The following ARL8B variants were observed in gnomAD, a reference collection of about 807,000 sequenced individuals.
ARL8B encodes ARF like GTPase 8B.
In ARL8B, 9 loss-of-function variants were observed where a neutral mutation model predicts 30.6. The observed-to-expected ratio is 0.29, with a 90% CI of 0.18 to 0.51. ARL8B has a LOEUF of 0.51. Among genes scored for constraint, ARL8B ranks in the 20% least tolerant of loss-of-function variants. The pLI is 0.97. For synonymous variants in ARL8B, 74 were observed against 76.0 expected (o/e 0.97, Z 0.14); for missense variants, 130 against 227.2 (o/e 0.57, Z 2.75).
chr3:5,142,256 G>A (rs1243689372), intron 1 of ARL8B, among the ~76,000 whole-genome samples: 1 of 152,146 alleles, frequency 6.6e-6, no homozygotes, highest in African/African-American at 2.4e-5. Flanking sequence ...TGTTTAGGAT[G>A]TGCGTACAAG....
chr3:5,129,703 C>T (rs1361108693), intron 1 of ARL8B, among the ~76,000 whole-genome samples: 5 of 152,042 alleles, frequency 3.3e-5, no homozygotes, highest in Non-Finnish European at 5.9e-5. Context: ...TATGTCACTA[C>T]GCCTGGCTAA....
chr3:5,166,620 G>A (rs2054627003), intron 1 of ARL8B, among the ~76,000 whole-genome samples: 1 of 152,170 alleles, frequency 6.6e-6, no homozygotes, highest in East Asian at 1.9e-4. Context: ...TTACAGGTGT[G>A]AGCCACCGCG....
intron 1 of ARL8B, among the ~76,000 whole-genome samples, chr3:5,135,682 C>T (rs184268406): frequency 5.4e-4 from 82 of 151,956 alleles, no homozygotes; most frequent in African/African-American, 1.7e-3. Flanking sequence ...TGGTCTCAAA[C>T]TCCTGACGTT....
chr3:5,164,754 G>A (rs557253846), intron 1 of ARL8B, among the ~76,000 whole-genome samples: 2 of 152,178 alleles, frequency 1.3e-5, no homozygotes, highest in South Asian at 4.1e-4. Flanking sequence ...TGCCATTTTT[G>A]TCCTTCAGTA....
chr3:5,174,764 A>C (rs1176202110), intron 6 of ARL8B, among the ~76,000 whole-genome samples: 1 of 145,088 alleles, frequency 6.9e-6, no homozygotes, highest in Non-Finnish European at 1.5e-5. Context: ...ATATAAATAT[A>C]TATTATATAT....
At chr3:5,145,238 A>T (rs1294255580) in intron 1 of ARL8B, among the ~76,000 whole-genome samples, 4 of 152,156 alleles carry the variant, frequency 2.6e-5, no homozygotes, top group African/African-American at 9.7e-5. Context: ...TCTCCTTTGT[A>T]TAGGAAACTG....
chr3:5,151,721 A>ACC (rs555488645), intron 1 of ARL8B, among the ~76,000 whole-genome samples: 29 of 81,680 alleles, frequency 3.6e-4, no homozygotes, highest in African/African-American at 4.4e-4. Context: ...TTCTCCCCCC[A>ACC]CCCCCCCCCT....
rs1326884083 is a variant in ARL8B at position 5,178,745 on chromosome 3, G to C, written c.*32G>C. 6.2e-7 allele frequency: 1 copy of C among 1,610,614 alleles called. No individual in the cohort carries two copies. The highest frequency in any genetic ancestry group is 1.1e-5 in the South Asian group (1 of 90,912). The stretch of plus-strand genomic sequence containing the variant: ...TCCTGAAGTCTTCCAGTCCTTCTTG[G>C]CTATAATCCTAGAATTATTGTCCGT... On this transcript the variant is annotated 3_prime_UTR_variant, in exon 7 of 7. Transcript: ENST00000256496.
At chr3:5,156,177 A>G (rs1384572078) in intron 1 of ARL8B, among the ~76,000 whole-genome samples, 3 of 152,016 alleles carry the variant, frequency 2.0e-5, no homozygotes, top group African/African-American at 4.8e-5. Flanking sequence ...TGCTGGGATT[A>G]TAGGCGTCAG....
chr3:5,132,542 C>T (rs986669152), intron 1 of ARL8B, among the ~76,000 whole-genome samples: 1 of 152,120 alleles, frequency 6.6e-6, no homozygotes, highest in African/African-American at 2.4e-5. Context: ...CCCGGCTCCT[C>T]TCATTATTTT....
At chr3:5,123,410 TGTG>T (rs2054201247) in intron 1 of ARL8B, among the ~76,000 whole-genome samples, 1 of 152,136 alleles carries the variant, frequency 6.6e-6, no homozygotes, top group Non-Finnish European at 1.5e-5. Flanking sequence ...TTACATAGAA[TGTG>T]GTGTTTGTTC....
chr3:5,135,875 C>G (rs1046901585), intron 1 of ARL8B, among the ~76,000 whole-genome samples: 5 of 151,434 alleles, frequency 3.3e-5, no homozygotes, highest in Admixed American at 3.3e-4. Context: ...CAACCTCCAC[C>G]TCCCAGGTTC....
At chr3:5,130,045 G>A (rs2054268373) in intron 1 of ARL8B, among the ~76,000 whole-genome samples, 1 of 151,768 alleles carries the variant, frequency 6.6e-6, no homozygotes. Flanking sequence ...TGTATTTTTA[G>A]TAGAGACAGG....
chr3:5,169,791 A>G (rs187153925), intron 1 of ARL8B, among the ~76,000 whole-genome samples: 14 of 152,324 alleles, frequency 9.2e-5, no homozygotes, highest in Non-Finnish European at 1.9e-4. Context: ...AATGTCTTAT[A>G]TAAGTGAAAG....
Position 5,174,348 on chromosome 3 carries a change from C to G in ARL8B, c.445C>G (p.Leu149Val). Residue 149 changes from leucine (L) to valine (V), a missense_variant, in exon 6 of 7, where the codon CTG becomes GTG. By Grantham distance (32) the Leu-to-Val change is conservative. Transcript: ENST00000256496. ...DEKQLIEKMNLSAIQDREICC... is the reference protein window; with the variant it reads ...DEKQLIEKMNVSAIQDREICC... ...TCCTTTTAATTCTTCTCATAGGAAT[C>G]TGTCTGCTATTCAGGATAGAGAAAT... 6.3e-7 allele frequency: 1 copy of G among 1,598,056 alleles called. No homozygotes were observed. Among genetic ancestry groups the G allele is most frequent in the Non-Finnish European group, 8.6e-7 (1 of 1,165,822 alleles).
chr3:5,178,421 CAT>C lies in ARL8B; in HGVS notation c.512-241_512-240del, dbSNP rs2054749656. ...CACCTGATTGATTGTGTGGGCAACA[CAT>C]AAAAGGTGGCACCAGCCGTCCTATA... On this transcript the variant is annotated intron_variant, in intron 6 of 6. Transcript: ENST00000256496. 2.7e-5 allele frequency among the ~76,000 whole-genome samples: 4 copies of C among 146,234 alleles called. No homozygotes were observed. In the South Asian group the frequency reaches 8.6e-4, roughly 32 times the overall value.
At chr3:5,135,318 T>A (rs920047729) in intron 1 of ARL8B, among the ~76,000 whole-genome samples, 1 of 142,034 alleles carries the variant, frequency 7.0e-6, no homozygotes, top group African/African-American at 2.8e-5. Flanking sequence ...TGAGACAGTC[T>A]CATTCTGTTG....
rs2054663162 is a variant in ARL8B, at chr3:5,170,490, T to G, written c.124-13T>G. ...AGTGAGTAGCCTAACTTCAAATGTTTTATTTTGTTCAGTCAGGTCAATTCA... is the reference window on the plus strand; with the variant it reads ...AGTGAGTAGCCTAACTTCAAATGTTGTATTTTGTTCAGTCAGGTCAATTCA... On this transcript the variant is annotated splice_polypyrimidine_tract_variant and intron_variant, in intron 1 of 6. Transcript: ENST00000256496. 1 of 1,596,738 alleles carries G rather than the reference T, an allele frequency of 6.3e-7. No individual in the cohort carries two copies. Among genetic ancestry groups the G allele is most frequent in the Non-Finnish European group, 8.6e-7 (1 of 1,169,310 alleles).
chr3:5,123,990 C>G (rs920885123), intron 1 of ARL8B, among the ~76,000 whole-genome samples: 3 of 152,152 alleles, frequency 2.0e-5, no homozygotes, highest in East Asian at 1.9e-4. Context: ...TTTCCTGCCT[C>G]CACCTCCTGC....
Sources: gnomAD v4.1 joint callset for allele counts (sites outside exome capture counted in the v4.1 genomes callset) on GRCh38, gnomAD v4.1.1 for gene constraint, MANE v1.5 for transcripts, NCBI Gene and HGNC (gene_info 2026-07-23, HGNC 2026-07-21) for gene names.